M1AP: variants seen among roughly 807,000 people sequenced by gnomAD.
M1AP encodes meiosis 1 associated protein.
In M1AP, 39 loss-of-function variants were observed where a neutral mutation model predicts 51.2. The ratio of observed to expected loss-of-function variants is 0.76; its 90% CI spans 0.59 to 1.00. The LOEUF is 1.00. Ranked by LOEUF, M1AP falls within the 50% of genes least tolerant of loss-of-function variation. The pLI is 0.00. For missense variants in M1AP, 545 were observed against 641.2 expected (o/e 0.85, Z 1.62); for synonymous variants, 251 against 249.2 (o/e 1.01, Z -0.07).
chr2:74,560,457 T>C (rs1677844166), intron 8 of M1AP, among the ~76,000 whole-genome samples, 166 bp from the exon 9 acceptor site: 1 of 152,062 alleles, frequency 6.6e-6, no homozygotes, highest in Admixed American at 6.5e-5. Context: ...TGGCCTGAGG[T>C]CCAGTGCTTG....
intron 5 of M1AP, among the ~76,000 whole-genome samples, chr2:74,581,107 C>T (rs937751249): frequency 6.6e-6 from 1 of 152,154 alleles, no homozygotes; most frequent in African/African-American, 2.4e-5. Flanking sequence ...TTTGGCATGA[C>T]CAGAACACTG....
intron 7 of M1AP, among the ~76,000 whole-genome samples, chr2:74,566,161 T>C (rs1365236927): frequency 6.6e-6 from 1 of 152,122 alleles, no homozygotes; most frequent in African/African-American, 2.4e-5. Context: ...ATCCTAGGGG[T>C]AGAGGCACCC....
chr2:74,635,250 T>C (rs1431567787), intron 2 of M1AP, among the ~76,000 whole-genome samples: 1 of 152,112 alleles, frequency 6.6e-6, no homozygotes, highest in Admixed American at 6.5e-5. Flanking sequence ...TTCATCTAAG[T>C]TGTTAGATTT....
intron 2 of M1AP, among the ~76,000 whole-genome samples, chr2:74,636,164 T>C (rs1050681915): frequency 2.0e-5 from 3 of 152,104 alleles, no homozygotes; most frequent in Non-Finnish European, 4.4e-5. Context: ...ACATTTAGGA[T>C]TTCTGTATCT....
At chr2:74,589,294 G>A (rs1022101843) in intron 4 of M1AP, among the ~76,000 whole-genome samples, 2 of 152,048 alleles carry the variant, frequency 1.3e-5, no homozygotes, top group Non-Finnish European at 2.9e-5. Context: ...AAGGAAGGAA[G>A]TGAGGACTAG....
At chr2:74,585,445 A>G (rs913248232) in intron 4 of M1AP, among the ~76,000 whole-genome samples, 60 of 152,236 alleles carry the variant, frequency 3.9e-4, no homozygotes, top group African/African-American at 1.4e-3. Context: ...CTGCGAAGCT[A>G]AAGAACCAGG....
chr2:74,582,103 A>T (rs1679442898), intron 4 of M1AP, among the ~76,000 whole-genome samples: 1 of 152,100 alleles, frequency 6.6e-6, no homozygotes, highest in African/African-American at 2.4e-5. Context: ...CTAATTTTTT[A>T]AAAAACTTTT....
rs757024741 is a variant in M1AP at position 74,562,235 on chromosome 2, A to G, written c.1263T>C (p.Asp421=). The G allele has an allele frequency of 2.9e-5, 47 of 1,612,942 alleles. No individual in the cohort carries two copies. Among genetic ancestry groups the G allele is most frequent in the African/African-American group, 5.3e-5 (4 of 74,892 alleles). Residue 421 remains aspartate, a synonymous_variant, in exon 8 of 11, where the codon GAT becomes GAC. Transcript: ENST00000421985. ...FPLLPEDPHD[D]SLKNVESMLD... is the part of the protein sequence containing the mutation. ...CACTTGCCTCCACATTCTTAAGGCT[A>G]TCATCATGTGGGTCCTCAGGTAGCA...
chr2:74,598,292 G>A (rs28377229), intron 4 of M1AP, among the ~76,000 whole-genome samples: 6,845 of 152,204 alleles, frequency 0.045, 521 homozygotes, highest in African/African-American at 0.16. Flanking sequence ...TGAGGCAGGA[G>A]CATGGCTCGA....
chr2:74,630,346 G>C (rs1164283605), intron 2 of M1AP, among the ~76,000 whole-genome samples: 1 of 152,120 alleles, frequency 6.6e-6, no homozygotes, highest in African/African-American at 2.4e-5. Flanking sequence ...TTTATTTTAG[G>C]TTCTGGGATA....
chr2:74,584,736 TACCCTA>T (rs1318876666), intron 4 of M1AP, among the ~76,000 whole-genome samples: 13 of 149,874 alleles, frequency 8.7e-5, no homozygotes, highest in African/African-American at 2.9e-4. Flanking sequence ...ATGAAAAAGT[TACCCTA>T]AGAAGGCAGA....
intron 4 of M1AP, among the ~76,000 whole-genome samples, chr2:74,601,961 G>GA (rs776100959): frequency 3.3e-5 from 5 of 152,148 alleles, no homozygotes; most frequent in Non-Finnish European, 5.9e-5. Context: ...TTTTATAAAT[G>GA]AATCTGCAAT....
chr2:74,618,904 G>T, intron 2 of M1AP: 1 of 528,890 alleles, frequency 1.9e-6, no homozygotes. Context: ...TGACTGAGTA[G>T]ATTTTCTTGT....
chr2:74,625,663 A>G (rs1308617609), intron 2 of M1AP, among the ~76,000 whole-genome samples: 1 of 152,200 alleles, frequency 6.6e-6, no homozygotes, highest in East Asian at 1.9e-4. Context: ...CTATTGTTAC[A>G]TGCAGCATAC....
At chr2:74,572,354 C>T (rs1380436172) in intron 7 of M1AP, among the ~76,000 whole-genome samples, 1 of 152,200 alleles carries the variant, frequency 6.6e-6, no homozygotes, top group African/African-American at 2.4e-5. Flanking sequence ...TAAGCAGTGT[C>T]TCCCTCTGTC....
chr2:74,574,574 G>A (rs1678940351), intron 7 of M1AP, among the ~76,000 whole-genome samples: 1 of 152,120 alleles, frequency 6.6e-6, no homozygotes, highest in Non-Finnish European at 1.5e-5. Context: ...GCTTCTGCGA[G>A]TTCATTTCCA....
At chr2:74,607,620 C>T (rs773305235) in intron 3 of M1AP, among the ~76,000 whole-genome samples, 87 of 152,206 alleles carry the variant, frequency 5.7e-4, no homozygotes, top group Middle Eastern at 3.4e-3. Flanking sequence ...ATTACAGGCA[C>T]GTGCCACCAC....
chr2:74,597,843 A>G (rs752070), intron 4 of M1AP, among the ~76,000 whole-genome samples: 55,968 of 152,130 alleles, frequency 0.37, 17,230 homozygotes, highest in East Asian at 0.82. Flanking sequence ...TTTAGTTTTG[A>G]CATATTTATT....
intron 2 of M1AP, among the ~76,000 whole-genome samples, chr2:74,623,427 C>T (rs185328602): frequency 0.014 from 2,046 of 151,532 alleles, 140 homozygotes; most frequent in Admixed American, 0.1. Context: ...GGCTTGAGCC[C>T]AGGAGGTGGA....
Sources: allele counts gnomAD v4.1 joint callset (sites outside exome capture counted in the v4.1 genomes callset), GRCh38; gene constraint gnomAD v4.1.1; transcripts MANE v1.5; gene names NCBI Gene and HGNC (gene_info 2026-07-23, HGNC 2026-07-21).